Variants in LUZP2 observed in about 807,000 individuals in gnomAD.
LUZP2 encodes the protein leucine zipper protein 2.
In LUZP2, 52 loss-of-function variants were observed where a neutral mutation model predicts 51.6. That is an observed-to-expected ratio of 1.01 (90% CI 0.81 to 1.27). The LOEUF is 1.27. Ranked by LOEUF, LUZP2 falls within the 50% of genes most tolerant of loss-of-function variation. The probability of loss-of-function intolerance (pLI) is 0.00; values close to 1 mark genes in which losing one functional copy is unlikely to be tolerated. For missense variants in LUZP2, 436 were observed against 395.4 expected (o/e 1.10, Z -0.87); for synonymous variants, 154 against 137.3 (o/e 1.12, Z -0.85).
chr11:24,502,121 C>A (rs1850011986), intron 1 of LUZP2, among the ~76,000 whole-genome samples: 1 of 140,046 alleles, frequency 7.1e-6, no homozygotes, highest in Admixed American at 6.9e-5. Flanking sequence ...AACAGTTTAG[C>A]ATATTCCCTA....
chr11:24,795,659 G>C (rs1057000412), intron 5 of LUZP2, among the ~76,000 whole-genome samples: 2 of 152,032 alleles, frequency 1.3e-5, no homozygotes, highest in Non-Finnish European at 2.9e-5. Flanking sequence ...CTGTTGCTTT[G>C]TCAGCATGTC....
At position 24,927,440 on chromosome 11, in the gene LUZP2, G is replaced by T. The variant is rs138322618; in HGVS notation, c.522+12902G>T. 2.6e-3 allele frequency among the ~76,000 whole-genome samples: 397 copies of T among 152,108 alleles called. 2 individuals are homozygous for T. The highest frequency in any genetic ancestry group is 9.0e-3 in the African/African-American group (373 of 41,516). On this transcript the variant is annotated intron_variant, in intron 7 of 11. Coordinates refer to ENST00000336930, the MANE Select transcript of LUZP2 (RefSeq NM_001009909.4). ...CATCTTGAGTTGATTTTTGTATACG[G>T]TGAGAGGAGTATCCAGTTTCATTCT...
intron 3 of LUZP2, among the ~76,000 whole-genome samples, chr11:24,733,556 G>A (rs964192747): frequency 4.0e-5 from 6 of 151,490 alleles, no homozygotes; most frequent in African/African-American, 1.2e-4. Flanking sequence ...ACTCTTATTC[G>A]GAATCTAAAA....
chr11:24,566,623 TACAC>T (rs753647707), intron 1 of LUZP2, among the ~76,000 whole-genome samples: 16,416 of 145,178 alleles, frequency 0.11, 1,180 homozygotes, highest in African/African-American at 0.19. Context: ...TGTATAGATA[TACAC>T]ACACACACAC....
chr11:25,077,395 C>A lies in LUZP2; in HGVS notation c.925C>A (p.Pro309Thr). The A allele has an allele frequency of 6.2e-7, 1 of 1,606,134 alleles. No homozygotes were observed. Residue 309 changes from proline to threonine, a missense_variant, in exon 11 of 12, where the codon CCT becomes ACT. By Grantham distance (38) the Pro-to-Thr change is conservative (BLOSUM62 -1). Coordinates refer to ENST00000336930, the MANE Select transcript of LUZP2 (RefSeq NM_001009909.4). ...PPSNATAETE[P>T]IPQKLQMPPC... is the part of the protein sequence containing the mutation. ...AAGTAATGCCACTGCAGAAACCGAG[C>A]CTATCCCACAGGTATGTGTTTGTTT...
chr11:24,963,546 C>T (rs180992606), intron 7 of LUZP2, among the ~76,000 whole-genome samples: 84 of 152,292 alleles, frequency 5.5e-4, no homozygotes, highest in African/African-American at 1.7e-3. Context: ...AGCGAGACTC[C>T]GTGGGCATAG....
At chr11:24,957,172 T>C (rs998584252) in intron 7 of LUZP2, among the ~76,000 whole-genome samples, 2 of 152,120 alleles carry the variant, frequency 1.3e-5, no homozygotes, top group Non-Finnish European at 2.9e-5. Context: ...AAAAATGCGG[T>C]ACCAAAACCT....
chr11:24,742,933 C>T (rs531257237), intron 4 of LUZP2, among the ~76,000 whole-genome samples: 20 of 152,092 alleles, frequency 1.3e-4, no homozygotes, highest in Admixed American at 4.6e-4. Flanking sequence ...ATCCCAGCAC[C>T]ATTTGTTGAA....
intron 1 of LUZP2, among the ~76,000 whole-genome samples, chr11:24,641,354 G>A (rs373045488): frequency 6.6e-6 from 1 of 151,728 alleles, no homozygotes; most frequent in East Asian, 1.9e-4. Flanking sequence ...ACCTTAATTT[G>A]CAACTTTACC....
chr11:25,050,724 G>C (rs940073877), intron 10 of LUZP2, among the ~76,000 whole-genome samples: 1 of 151,910 alleles, frequency 6.6e-6, no homozygotes, highest in Non-Finnish European at 1.5e-5. Flanking sequence ...GCTAAGCAAG[G>C]TGCTCATTCC....
intron 1 of LUZP2, among the ~76,000 whole-genome samples, chr11:24,676,235 T>C (rs1290738567): frequency 2.0e-5 from 3 of 152,208 alleles, no homozygotes; most frequent in South Asian, 2.1e-4. Flanking sequence ...TAATATTAGA[T>C]CATGAAAGAG....
chr11:24,777,160 AT>A (rs1221318536), intron 5 of LUZP2, among the ~76,000 whole-genome samples: 1 of 151,658 alleles, frequency 6.6e-6, no homozygotes, highest in Non-Finnish European at 1.5e-5. Flanking sequence ...CGCCTGGCTA[AT>A]TTTTTGTATT....
chr11:24,805,499 T>C (rs1214960155), intron 5 of LUZP2, among the ~76,000 whole-genome samples: 1 of 152,162 alleles, frequency 6.6e-6, no homozygotes. Context: ...CAACTTCTTT[T>C]ACTTCATACT....
chr11:24,852,080 T>C (rs1195879284), intron 5 of LUZP2, among the ~76,000 whole-genome samples: 2 of 150,362 alleles, frequency 1.3e-5, no homozygotes, highest in African/African-American at 4.9e-5. Flanking sequence ...TTCACTGATT[T>C]TTTTTAAGAT....
At chr11:24,810,814 G>A (rs1274996650) in intron 5 of LUZP2, among the ~76,000 whole-genome samples, 1 of 152,116 alleles carries the variant, frequency 6.6e-6, no homozygotes, top group Non-Finnish European at 1.5e-5. Context: ...TAGAAAAACA[G>A]CCTCATTATA....
intron 1 of LUZP2, among the ~76,000 whole-genome samples, chr11:24,632,918 T>G (rs1055634532): frequency 2.6e-5 from 4 of 152,002 alleles, no homozygotes; most frequent in African/African-American, 9.7e-5. Flanking sequence ...AACCAAGTAA[T>G]GTATTAAGAA....
chr11:25,078,790 C>A lies in LUZP2; in HGVS notation c.*132C>A, dbSNP rs1859394066. On this transcript the variant is annotated 3_prime_UTR_variant, in exon 12 of 12. Transcript: ENST00000336930. ...AATTTTATGTAACTTTATAAAGTAG[C>A]CTACACATTTTCAAAGATTCCAGAC... The A allele has an allele frequency of 1.4e-6, 1 of 690,092 alleles. No homozygotes were observed. Among genetic ancestry groups the A allele is most frequent in the South Asian group, 1.9e-5 (1 of 53,240 alleles). 42.7% of individuals were successfully genotyped at this position (690,092 alleles called of 1,614,324 possible).
rs538607737 is a variant in LUZP2 at position 24,697,330 on chromosome 11, A to G, written c.63-31839A>G. Among the ~76,000 whole-genome samples, 18 of 152,294 alleles carry G rather than the reference A, an allele frequency of 1.2e-4. No homozygotes were observed. The South Asian group carries it at 3.7e-3, about 32-fold the overall frequency. ...GTTAAGAGATCTATGTATATGAGGG[A>G]GCTTTAAAAAGTTTGTAGAAAAATG... On this transcript the variant is annotated intron_variant, in intron 1 of 11. Transcript: ENST00000336930.
intron 1 of LUZP2, among the ~76,000 whole-genome samples, chr11:24,523,163 T>C (rs1850696253): frequency 6.6e-6 from 1 of 152,058 alleles, no homozygotes; most frequent in African/African-American, 2.4e-5. Context: ...TTTTATTATA[T>C]CCTGCCATTT....
Sources: allele counts gnomAD v4.1 joint callset (sites outside exome capture counted in the v4.1 genomes callset), GRCh38; gene constraint gnomAD v4.1.1; transcripts MANE v1.5; gene names NCBI Gene and HGNC (gene_info 2026-07-23, HGNC 2026-07-21).